The following PCDH15 variants were observed in gnomAD, a reference collection of about 807,000 sequenced individuals.
PCDH15 encodes the protein protocadherin related 15.
Under a neutral mutation model 178.5 loss-of-function variants are expected in PCDH15, and 129 were observed. The observed-to-expected ratio is 0.72, with a 90% CI of 0.63 to 0.84. PCDH15 has a LOEUF of 0.84. Ranked by LOEUF, PCDH15 falls within the 40% of genes least tolerant of loss-of-function variation. The pLI, the probability that PCDH15 is intolerant of heterozygous loss-of-function variation, is 0.00. For missense variants in PCDH15, 2,230 were observed against 2,099.9 expected, an observed-to-expected ratio of 1.06 and a Z score of -1.21; for synonymous variants, 800 against 732.0, an observed-to-expected ratio of 1.09 and a Z score of -1.50.
chr10:54,218,374 A>G (rs1435783286), intron 9 of PCDH15, among the ~76,000 whole-genome samples: 1 of 152,178 alleles, frequency 6.6e-6, no homozygotes, highest in East Asian at 1.9e-4. Context: ...CCCCCTCACC[A>G]TTAACAATTT....
intron 18 of PCDH15, among the ~76,000 whole-genome samples, chr10:54,051,005 T>A (rs1334706161): frequency 6.6e-6 from 1 of 152,246 alleles, no homozygotes; most frequent in Non-Finnish European, 1.5e-5. Context: ...CTGCTCCTGC[T>A]ATCATGTGAA....
chr10:54,108,642 C>T (rs946212741), intron 15 of PCDH15, among the ~76,000 whole-genome samples: 7 of 152,254 alleles, frequency 4.6e-5, no homozygotes, highest in Non-Finnish European at 7.4e-5. Flanking sequence ...ATGTGACCTA[C>T]GGTGACAATG....
At position 55,032,194 on chromosome 10, in the gene PCDH15, C is replaced by A. The variant is rs575656605; in HGVS notation, c.-80+134382G>T. On this transcript the variant is annotated intron_variant, in intron 2 of 5. Transcript: ENST00000458638. ...CAATAAAGGCCATTCTGATTAGGTCCCAGATGGAAATGAGGAATATCTTAT... is the reference window on the plus strand; with the variant it reads ...CAATAAAGGCCATTCTGATTAGGTCACAGATGGAAATGAGGAATATCTTAT... 2.0e-5 allele frequency among the ~76,000 whole-genome samples: 3 copies of A among 152,074 alleles called. No individual in the cohort carries two copies. The South Asian group carries it at 6.2e-4, about 32-fold the overall frequency.
At position 53,961,771 on chromosome 10, in the gene PCDH15, T is replaced by G; in HGVS notation, c.2990A>C (p.Glu997Ala). Residue 997 changes from glutamate to alanine, a missense_variant, in exon 22 of 38, where the codon GAA (glutamate) becomes GCA (alanine). Glu to Ala is a moderately radical substitution (Grantham distance 107). Coordinates refer to ENST00000644397, the MANE Select transcript of PCDH15 (RefSeq NM_001384140.1). The part of the protein sequence containing the change: ...RVITRVNLNE[E>A]PTTIFKLVVV... ...ACTGACCTTAAAAATTGTTGTAGGT[T>G]CTTCATTAAGATTGACTCGTGTTAT... 3 of 1,607,248 alleles carry G rather than the reference T, an allele frequency of 1.9e-6. No homozygotes were observed. The highest frequency in any genetic ancestry group is 2.6e-6 in the Non-Finnish European group (3 of 1,176,404).
intron 2 of PCDH15, among the ~76,000 whole-genome samples, chr10:55,463,022 G>A (rs1839712868): frequency 6.7e-6 from 1 of 150,194 alleles, no homozygotes; most frequent in Non-Finnish European, 1.5e-5. Context: ...TAATCTCTTT[G>A]TATGTGAACA....
intron 1 of PCDH15, among the ~76,000 whole-genome samples, chr10:55,200,153 C>G (rs776729543): frequency 1.3e-5 from 2 of 152,136 alleles, no homozygotes; most frequent in Non-Finnish European, 2.9e-5. Context: ...TGAAAAGACA[C>G]AGGCACTCAA....
chr10:53,866,867 G>T lies in PCDH15; in HGVS notation c.3502-10C>A, dbSNP rs751195706. The T allele has an allele frequency of 1.9e-6, 3 of 1,550,860 alleles. No homozygotes were observed. The highest frequency in any genetic ancestry group is 2.6e-6 in the Non-Finnish European group (3 of 1,136,712). ...TATCTTTATCAGTAGCCTAGACGGAGGGGAAAAAAAAAGAGATTATAATTA... is the reference window on the plus strand; with the variant it reads ...TATCTTTATCAGTAGCCTAGACGGATGGGAAAAAAAAAGAGATTATAATTA... On this transcript the variant is annotated splice_polypyrimidine_tract_variant and intron_variant, in intron 26 of 37. Coordinates refer to ENST00000644397, the MANE Select transcript of PCDH15 (RefSeq NM_001384140.1).
intron 3 of PCDH15, among the ~76,000 whole-genome samples, chr10:54,487,685 G>T (rs538052310): frequency 7.2e-5 from 11 of 151,862 alleles, no homozygotes; most frequent in Non-Finnish European, 1.6e-4. Flanking sequence ...ACTTCTAAAG[G>T]TTATTAACTA....
intron 2 of PCDH15, among the ~76,000 whole-genome samples, chr10:55,460,553 G>A (rs1159231659): frequency 6.6e-6 from 1 of 151,852 alleles, no homozygotes; most frequent in Admixed American, 6.6e-5. Flanking sequence ...TTTATATCTG[G>A]GACTTCAACT....
At chr10:53,816,956 A>G (rs889606789) in intron 34 of PCDH15, among the ~76,000 whole-genome samples, 1 of 152,200 alleles carries the variant, frequency 6.6e-6, no homozygotes, top group Admixed American at 6.5e-5. Flanking sequence ...ATAATAATAC[A>G]CACTTTAACC....
At chr10:54,519,682 G>T (rs368983249) in intron 3 of PCDH15, among the ~76,000 whole-genome samples, 15 of 151,990 alleles carry the variant, frequency 9.9e-5, no homozygotes, top group Admixed American at 6.6e-4. Context: ...AAGCTATCAA[G>T]GACTTTCTTC....
intron 2 of PCDH15, among the ~76,000 whole-genome samples, chr10:54,987,389 G>T (rs1298304760): frequency 3.3e-5 from 5 of 152,124 alleles, no homozygotes; most frequent in Non-Finnish European, 7.3e-5. Context: ...CCAGTAACAG[G>T]ATTGCTGGGT....
intron 3 of PCDH15, among the ~76,000 whole-genome samples, chr10:54,503,957 T>A (rs2080949172): frequency 2.0e-5 from 3 of 152,128 alleles, no homozygotes; most frequent in Non-Finnish European, 1.5e-5. Flanking sequence ...ATTTTCCTCT[T>A]AAATGTGAAC....
chr10:54,079,253 G>T, intron 17 of PCDH15, 78 bp downstream of exon 17: 1 of 1,327,598 alleles, frequency 7.5e-7, no homozygotes, highest in Non-Finnish European at 1.1e-6. Flanking sequence ...ATTAATTCAT[G>T]TCTGTGATAC....
At chr10:54,291,342 T>C (rs889457277) in intron 8 of PCDH15, among the ~76,000 whole-genome samples, 5 of 152,178 alleles carry the variant, frequency 3.3e-5, no homozygotes, top group Non-Finnish European at 7.4e-5. Context: ...GGGAAATTTA[T>C]AGCACTAAAT....
At chr10:55,599,631 A>C (rs1010607987) in intron 2 of PCDH15, 8 of 226,946 alleles carry the variant, frequency 3.5e-5, no homozygotes, top group Admixed American at 5.4e-5. Flanking sequence ...AGAATAATCC[A>C]CTGACAGTTA....
chr10:54,264,153 T>C (rs1256876356), intron 8 of PCDH15, among the ~76,000 whole-genome samples: 1 of 152,126 alleles, frequency 6.6e-6, no homozygotes, highest in South Asian at 2.1e-4. Context: ...GCAGATGGCC[T>C]ATTGTGGGAC....
At chr10:54,425,861 T>A (rs545288901) in intron 3 of PCDH15, among the ~76,000 whole-genome samples, 94 of 152,286 alleles carry the variant, frequency 6.2e-4, no homozygotes, top group Middle Eastern at 3.4e-3. Flanking sequence ...GAAAATGAAG[T>A]ATTCTAGTAT....
intron 31 of PCDH15, among the ~76,000 whole-genome samples, chr10:53,827,987 A>C (rs2132587014): frequency 6.6e-6 from 1 of 152,160 alleles, no homozygotes; most frequent in South Asian, 2.1e-4. Context: ...GTTATTTCAC[A>C]GAGGCTGTAC....
Sources: gnomAD v4.1 joint callset for allele counts (sites outside exome capture counted in the v4.1 genomes callset) on GRCh38, gnomAD v4.1.1 for gene constraint, MANE v1.5 for transcripts, NCBI Gene and HGNC (gene_info 2026-07-23, HGNC 2026-07-21) for gene names.